Variants in XYLT1 observed in about 807,000 individuals in gnomAD.
The protein encoded by XYLT1 is beta-D-xylosyltransferase 1.
XYLT1 carries 36 observed loss-of-function variants against 91.3 expected under a neutral mutation model. That is an observed-to-expected ratio of 0.39 (90% confidence interval 0.30 to 0.52). XYLT1 has a LOEUF of 0.52. Among genes scored for constraint, XYLT1 ranks in the 20% least tolerant of loss-of-function variants. The probability of loss-of-function intolerance (pLI) is 0.68; values close to 1 mark genes in which losing one functional copy is unlikely to be tolerated. For synonymous variants in XYLT1, 588 were observed against 532.0 expected (o/e 1.11, Z -1.45); for missense variants, 1,242 against 1,284.5 (o/e 0.97, Z 0.51).
intron 5 of XYLT1, among the ~76,000 whole-genome samples, chr16:17,175,648 C>G (rs912773492): frequency 6.6e-6 from 1 of 152,194 alleles, no homozygotes; most frequent in Admixed American, 6.5e-5. Flanking sequence ...AAAATGGGAA[C>G]AGACTAGGTA....
chr16:17,234,374 A>T (rs114999052), intron 3 of XYLT1, among the ~76,000 whole-genome samples: 1 of 152,202 alleles, frequency 6.6e-6, no homozygotes, highest in Non-Finnish European at 1.5e-5. Flanking sequence ...CTGTTCAGTT[A>T]CATCTTTGCC....
intron 2 of XYLT1, among the ~76,000 whole-genome samples, chr16:17,344,037 G>A (rs1318241291): frequency 6.6e-6 from 1 of 152,122 alleles, no homozygotes; most frequent in Non-Finnish European, 1.5e-5. Context: ...TTAGGACCGT[G>A]GTTTTCAGCT....
chr16:17,178,569 G>A (rs2031996007), intron 5 of XYLT1, among the ~76,000 whole-genome samples: 1 of 152,310 alleles, frequency 6.6e-6, no homozygotes, highest in African/African-American at 2.4e-5. Flanking sequence ...GCCACGATCT[G>A]AAACATGGGA....
intron 1 of XYLT1, among the ~76,000 whole-genome samples, chr16:17,361,897 T>C (rs577712578): frequency 6.6e-6 from 1 of 152,366 alleles, no homozygotes; most frequent in African/African-American, 2.4e-5. Context: ...TCTCACTATG[T>C]TCCAGGCACT....
chr16:17,157,818 G>A (rs1455879964), intron 6 of XYLT1, among the ~76,000 whole-genome samples: 2 of 152,054 alleles, frequency 1.3e-5, no homozygotes, highest in Non-Finnish European at 2.9e-5. Flanking sequence ...GTGCAATCTT[G>A]GTTCATTGCA....
intron 8 of XYLT1, among the ~76,000 whole-genome samples, chr16:17,137,869 G>A (rs1224083536): frequency 1.3e-5 from 2 of 152,290 alleles, no homozygotes; most frequent in East Asian, 3.9e-4. Flanking sequence ...GTGCTGCTAA[G>A]CATCCTACCC....
At chr16:17,185,687 G>A (rs570735681) in intron 5 of XYLT1, among the ~76,000 whole-genome samples, 2 of 152,254 alleles carry the variant, frequency 1.3e-5, no homozygotes, top group Admixed American at 6.5e-5. Flanking sequence ...CACCTGCAGG[G>A]TGCTGGACAC....
chr16:17,212,574 G>C (rs1457645275), intron 3 of XYLT1, among the ~76,000 whole-genome samples: 1 of 152,036 alleles, frequency 6.6e-6, no homozygotes, highest in African/African-American at 2.4e-5. Context: ...GAGACTGAAG[G>C]CTACCTCATT....
chr16:17,134,783 G>A (rs1185141691), intron 8 of XYLT1, 48 bp from the exon 9 acceptor site: 7 of 1,601,288 alleles, frequency 4.4e-6, no homozygotes, highest in Middle Eastern at 1.7e-4. Flanking sequence ...GCGAGTGCTG[G>A]GGGTTGGGGG....
At chr16:17,274,351 T>C (rs1244974565) in intron 2 of XYLT1, among the ~76,000 whole-genome samples, 1 of 152,196 alleles carries the variant, frequency 6.6e-6, no homozygotes, top group Non-Finnish European at 1.5e-5. Flanking sequence ...GTGAAAGGAA[T>C]GTTTTAAAAG....
At position 17,134,515 on chromosome 16, in the gene XYLT1, C is replaced by T. The variant is rs190383164; in HGVS notation, c.1985G>A (p.Arg662Gln). The T allele has an allele frequency of 4.5e-5, 73 of 1,614,144 alleles. No individual in the cohort carries two copies. The East Asian group carries it at 6.0e-4, about 13-fold the overall frequency. The change falls in exon 9 of 12, where the codon CGG (arginine) becomes CAG (glutamine). Residue 662 changes from arginine to glutamine, a missense_variant. Physicochemically the swap from Arg to Gln is conservative, Grantham distance 43. This residue lies in a region of XYLT1 where 511 missense variants were observed against 497.0 expected (regional missense o/e 1.03). Coordinates refer to ENST00000261381, the MANE Select transcript of XYLT1 (RefSeq NM_022166.4). ...YHSFARLGLR[R>Q]AETSLHTDGE... ...ATCCGTGTGCAGGGACGTCTCGGCC[C>T]GTCGAAGACCCAGGCGGGCAAAGGA...
At chr16:17,325,083 T>C (rs1016862968) in intron 2 of XYLT1, among the ~76,000 whole-genome samples, 1 of 152,038 alleles carries the variant, frequency 6.6e-6, no homozygotes, top group Admixed American at 6.6e-5. Flanking sequence ...AGCCAATATA[T>C]ATGATGTTTG....
chr16:17,169,653 T>C (rs2031778704), intron 5 of XYLT1, among the ~76,000 whole-genome samples: 1 of 139,642 alleles, frequency 7.2e-6, no homozygotes, highest in Non-Finnish European at 1.6e-5. Flanking sequence ...GACATTCTGC[T>C]TGGTGGGTTG....
chr16:17,464,007 C>T (rs984169053), intron 1 of XYLT1, among the ~76,000 whole-genome samples: 4 of 152,066 alleles, frequency 2.6e-5, no homozygotes, highest in African/African-American at 9.7e-5. Context: ...ATCACATGTT[C>T]TCACTCCTAT....
At chr16:17,297,722 C>G (rs180851178) in intron 2 of XYLT1, among the ~76,000 whole-genome samples, 12 of 151,878 alleles carry the variant, frequency 7.9e-5, no homozygotes, top group East Asian at 2.0e-4. Flanking sequence ...GACCTTGTCT[C>G]TATAAAACAA....
At chr16:17,234,217 CAG>C (rs936826424) in intron 3 of XYLT1, among the ~76,000 whole-genome samples, 4 of 152,152 alleles carry the variant, frequency 2.6e-5, no homozygotes, top group African/African-American at 9.7e-5. Context: ...TTGTGAGTGA[CAG>C]AGCCTGGATT....
At chr16:17,372,320 CT>C (rs1473166341) in intron 1 of XYLT1, among the ~76,000 whole-genome samples, 1 of 152,212 alleles carries the variant, frequency 6.6e-6, no homozygotes, top group Non-Finnish European at 1.5e-5. Flanking sequence ...TCTTTTCAAT[CT>C]TTTCAACACA....
chr16:17,427,626 C>A (rs2036335942), intron 1 of XYLT1, among the ~76,000 whole-genome samples: 1 of 152,188 alleles, frequency 6.6e-6, no homozygotes, highest in Non-Finnish European at 1.5e-5. Flanking sequence ...ATCCCCAACA[C>A]AAGGTTGCCC....
chr16:17,251,957 G>A (rs2033547419), intron 3 of XYLT1, among the ~76,000 whole-genome samples: 1 of 152,028 alleles, frequency 6.6e-6, no homozygotes, highest in African/African-American at 2.4e-5. Context: ...GGGAGGACTG[G>A]AAGCTACTGG....
Sources: allele counts gnomAD v4.1 joint callset (sites outside exome capture counted in the v4.1 genomes callset), GRCh38; gene constraint gnomAD v4.1.1; regional missense constraint gnomAD v4.1.1; transcripts MANE v1.5; gene names NCBI Gene and HGNC (gene_info 2026-07-23, HGNC 2026-07-21).